The following TMEM117 variants were observed in gnomAD, a reference collection of about 807,000 sequenced individuals.
TMEM117 encodes the protein transmembrane protein 117.
In TMEM117, 27 loss-of-function variants were observed where a neutral mutation model predicts 52.4. The ratio of observed to expected loss-of-function variants is 0.51; its 90% CI spans 0.38 to 0.71. TMEM117 has a LOEUF of 0.71. Among genes scored for constraint, TMEM117 ranks in the 30% least tolerant of loss-of-function variants. The probability of loss-of-function intolerance (pLI) is 0.00; values close to 1 mark genes in which losing one functional copy is unlikely to be tolerated. For missense variants in TMEM117, 556 were observed against 630.5 expected, an observed-to-expected ratio of 0.88 and a Z score of 1.26; for synonymous variants, 215 against 206.3, an observed-to-expected ratio of 1.04 and a Z score of -0.36.
At chr12:44,341,139 A>G (rs149710670) in intron 6 of TMEM117, among the ~76,000 whole-genome samples, 22 of 152,170 alleles carry the variant, frequency 1.4e-4, no homozygotes, top group African/African-American at 5.1e-4. Context: ...AACTGGGACT[A>G]CAGATACACA....
At chr12:43,997,606 A>G (rs902768014) in intron 3 of TMEM117, among the ~76,000 whole-genome samples, 10 of 152,194 alleles carry the variant, frequency 6.6e-5, no homozygotes, top group African/African-American at 1.9e-4. Context: ...AGAACACCAT[A>G]TATAGAATCT....
intron 4 of TMEM117, among the ~76,000 whole-genome samples, chr12:44,208,151 GT>G (rs922399453): frequency 4.6e-5 from 7 of 152,002 alleles, no homozygotes; most frequent in Non-Finnish European, 1.0e-4. Context: ...AGAGATAATT[GT>G]TTTTTACAAT....
chr12:44,177,293 C>T (rs1949129082), intron 4 of TMEM117, among the ~76,000 whole-genome samples: 1 of 152,208 alleles, frequency 6.6e-6, no homozygotes, highest in Admixed American at 6.5e-5. Context: ...ATTGAGCATC[C>T]ATTTTCCTTT....
At chr12:44,224,569 A>G (rs1402571919) in intron 5 of TMEM117, among the ~76,000 whole-genome samples, 1 of 150,782 alleles carries the variant, frequency 6.6e-6, no homozygotes, top group Non-Finnish European at 1.5e-5. Context: ...CTTCATGTTA[A>G]TATAAAAGGA....
At chr12:44,375,500 C>T (rs970667884) in intron 6 of TMEM117, among the ~76,000 whole-genome samples, 3 of 152,140 alleles carry the variant, frequency 2.0e-5, no homozygotes, top group Non-Finnish European at 2.9e-5. Context: ...TTAACCAGAG[C>T]TCCCAACAGA....
At chr12:43,859,367 G>C (rs1943450602) in intron 2 of TMEM117, among the ~76,000 whole-genome samples, 1 of 152,162 alleles carries the variant, frequency 6.6e-6, no homozygotes, top group Non-Finnish European at 1.5e-5. Flanking sequence ...GCAGGAAAGA[G>C]AAACTTCAGT....
At chr12:43,924,040 T>C (rs1944738130) in intron 2 of TMEM117, among the ~76,000 whole-genome samples, 1 of 152,188 alleles carries the variant, frequency 6.6e-6, no homozygotes, top group Non-Finnish European at 1.5e-5. Context: ...TATAAATGCC[T>C]GTTAAATAGG....
rs1950456204 is a variant in TMEM117 at position 44,272,299 on chromosome 12, A to G, written c.609-27281A>G. On this transcript the variant is annotated intron_variant, in intron 5 of 7. Transcript: ENST00000266534. Reference sequence around the variant, plus strand: ...CCAGGACCTAATCACTTCACCACTGAATTCTATCAGACATTTAAAGAACTA... The same window carrying G: ...CCAGGACCTAATCACTTCACCACTGGATTCTATCAGACATTTAAAGAACTA... Among the ~76,000 whole-genome samples the G allele has an allele frequency of 2.0e-5, 3 of 152,120 alleles. No individual in the cohort carries two copies. In the South Asian group the frequency reaches 6.2e-4, roughly 31 times the overall value.
intron 2 of TMEM117, among the ~76,000 whole-genome samples, chr12:43,902,248 G>A (rs181253368): frequency 6.6e-6 from 1 of 152,286 alleles, no homozygotes; most frequent in Non-Finnish European, 1.5e-5. Flanking sequence ...TATAGACACT[G>A]GGGGAAAGAT....
chr12:43,932,217 G>A (rs1194792418), intron 2 of TMEM117, among the ~76,000 whole-genome samples: 3 of 151,370 alleles, frequency 2.0e-5, no homozygotes, highest in Non-Finnish European at 2.9e-5. Flanking sequence ...TAAATCTTAG[G>A]AGTCTAGATA....
chr12:43,866,270 A>C (rs1254210516), intron 2 of TMEM117, among the ~76,000 whole-genome samples: 3 of 151,922 alleles, frequency 2.0e-5, no homozygotes, highest in Non-Finnish European at 2.9e-5. Flanking sequence ...AAGAAATAAA[A>C]ATTTCAACCT....
Position 44,145,403 on chromosome 12 carries a change from A to T in TMEM117, c.510+1779A>T, listed in dbSNP as rs536456773. Among the ~76,000 whole-genome samples, 40 of 152,238 alleles carry T rather than the reference A, an allele frequency of 2.6e-4. No individual in the cohort carries two copies. In the South Asian group the frequency reaches 7.9e-3, roughly 30 times the overall value. On this transcript the variant is annotated intron_variant, in intron 4 of 7. Transcript: ENST00000266534. Reference sequence around the variant, plus strand: ...ATCTGACCTGACCACCTATGGTTCGACCTTCCTACAAATAATGAACAGTTC... The same window carrying T: ...ATCTGACCTGACCACCTATGGTTCGTCCTTCCTACAAATAATGAACAGTTC...
At chr12:43,934,198 A>C (rs1371508836) in intron 2 of TMEM117, among the ~76,000 whole-genome samples, 1 of 152,170 alleles carries the variant, frequency 6.6e-6, no homozygotes, top group Non-Finnish European at 1.5e-5. Flanking sequence ...CTACAAGGTA[A>C]TATGTAGTAT....
the TMEM117 span, among the ~76,000 whole-genome samples, chr12:43,827,304 T>C: frequency 6.6e-6 from 1 of 152,174 alleles, no homozygotes; most frequent in African/African-American, 2.4e-5. Context: ...GTTCACTCAT[T>C]AGAATAAGCT....
At chr12:43,802,604 T>C in the TMEM117 span, 239,991 of 629,776 alleles carry the variant, frequency 0.38, 48,953 homozygotes, top group East Asian at 0.63. Flanking sequence ...AAAAATGTGG[T>C]AACATAGAAA....
chr12:44,324,723 G>A (rs1951174147), intron 6 of TMEM117, among the ~76,000 whole-genome samples: 1 of 152,034 alleles, frequency 6.6e-6, no homozygotes, highest in Admixed American at 6.6e-5. Flanking sequence ...TTGCAAACCT[G>A]CTTTTTCAGG....
chr12:44,322,728 C>G (rs971722836), intron 6 of TMEM117, among the ~76,000 whole-genome samples: 2 of 152,016 alleles, frequency 1.3e-5, no homozygotes, highest in Admixed American at 6.6e-5. Context: ...TGCCAAACTG[C>G]CAGATAGGTT....
chr12:43,819,416 A>T, the TMEM117 span, among the ~76,000 whole-genome samples: 1 of 152,120 alleles, frequency 6.6e-6, no homozygotes, highest in Admixed American at 6.6e-5. Flanking sequence ...ATGGTATTTC[A>T]GAAGAGATGT....
chr12:44,209,097 G>C (rs902211360), intron 4 of TMEM117, among the ~76,000 whole-genome samples: 3 of 151,906 alleles, frequency 2.0e-5, no homozygotes, highest in Non-Finnish European at 4.4e-5. Flanking sequence ...TTTGACACTA[G>C]ACCTGTTATT....
Sources: gnomAD v4.1 joint callset for allele counts (sites outside exome capture counted in the v4.1 genomes callset) on GRCh38, gnomAD v4.1.1 for gene constraint, MANE v1.5 for transcripts, NCBI Gene and HGNC (gene_info 2026-07-23, HGNC 2026-07-21) for gene names.